The following RAD51B variants were observed in gnomAD, a reference collection of about 807,000 sequenced individuals.
RAD51B encodes the protein DNA repair protein RAD51 homolog 2.
In RAD51B, 38 loss-of-function variants were observed where a neutral mutation model predicts 42.2. That is an observed-to-expected ratio of 0.90 (90% confidence interval 0.70 to 1.18). The LOEUF (loss-of-function observed/expected upper bound fraction) is 1.18, where lower values mean the gene tolerates loss of function less well. RAD51B is among the 50% of genes most tolerant of loss of function. The probability of loss-of-function intolerance (pLI) is 0.00; values close to 1 mark genes in which losing one functional copy is unlikely to be tolerated. For missense variants in RAD51B, 373 were observed against 400.7 expected, an observed-to-expected ratio of 0.93 and a Z score of 0.59; for synonymous variants, 154 against 145.2, an observed-to-expected ratio of 1.06 and a Z score of -0.43.
chr14:68,421,723 A>G, intron 9 of RAD51B: 4 of 1,590,260 alleles, frequency 2.5e-6, no homozygotes, highest in South Asian at 2.2e-5. Flanking sequence ...ACAGTCAGCA[A>G]TGGTGATCTT....
chr14:68,623,357 C>T (rs1302524398), intron 10 of RAD51B, among the ~76,000 whole-genome samples: 3 of 152,200 alleles, frequency 2.0e-5, no homozygotes, highest in Non-Finnish European at 4.4e-5. Context: ...TAATGAACAG[C>T]AACAAGCATC....
chr14:68,502,719 A>G (rs749740950), intron 10 of RAD51B, among the ~76,000 whole-genome samples: 17 of 152,180 alleles, frequency 1.1e-4, no homozygotes, highest in Non-Finnish European at 2.1e-4. Context: ...GGCCCCTTCT[A>G]AGCATCGGAA....
At chr14:68,266,078 ATTGGTGT>A (rs2080986030) in intron 7 of RAD51B, among the ~76,000 whole-genome samples, 1 of 152,156 alleles carries the variant, frequency 6.6e-6, no homozygotes, top group Non-Finnish European at 1.5e-5. Flanking sequence ...CTGGCAAGTG[ATTGGTGT>A]TTGCACTGTT....
chr14:67,925,183 T>C lies in RAD51B; in HGVS notation c.756+37979T>C, dbSNP rs370053374. Among the ~76,000 whole-genome samples the C allele has an allele frequency of 5.9e-5, 9 of 152,298 alleles. No individual in the cohort carries two copies. In the South Asian group the frequency reaches 1.9e-3, roughly 32 times the overall value. ...GCTATGCCTCTGTGGCTTTGCAGGG[T>C]ACAGCCCCCCTCCTAGCTGCCTTCA... On this transcript the variant is annotated intron_variant, in intron 7 of 10. Transcript: ENST00000471583.
At chr14:68,599,712 G>T (rs1034674793), downstream of RAD51B, among the ~76,000 whole-genome samples, 3 of 152,206 alleles carry the variant, frequency 2.0e-5, no homozygotes, top group African/African-American at 7.2e-5. Flanking sequence ...TGACATGCTG[G>T]TGTTGGCCTT....
chr14:68,338,339 C>G (rs902444790), intron 8 of RAD51B, among the ~76,000 whole-genome samples: 19 of 152,216 alleles, frequency 1.2e-4, no homozygotes, highest in Non-Finnish European at 1.3e-4. Flanking sequence ...CTCTGCTTCT[C>G]TCTGTACATC....
intron 10 of RAD51B, among the ~76,000 whole-genome samples, chr14:68,537,119 A>G (rs1423979696): frequency 6.7e-6 from 1 of 148,418 alleles, no homozygotes; most frequent in Non-Finnish European, 1.5e-5. Flanking sequence ...AAGGCACCCA[A>G]AATTTTTAGA....
At chr14:67,821,453 TTTTG>T (rs138027233) in intron 1 of RAD51B, among the ~76,000 whole-genome samples, 14,760 of 151,946 alleles carry the variant, frequency 0.097, 960 homozygotes, top group Middle Eastern at 0.24. Flanking sequence ...ATTTATAGTT[TTTTG>T]TTTGTTTGTT....
intron 7 of RAD51B, among the ~76,000 whole-genome samples, chr14:67,983,186 A>G (rs1207603679): frequency 6.6e-6 from 1 of 152,218 alleles, no homozygotes; most frequent in East Asian, 1.9e-4. Context: ...GAACCAAGTG[A>G]TATAGTGGTT....
chr14:68,555,309 A>T (rs1888782431), intron 10 of RAD51B, among the ~76,000 whole-genome samples: 1 of 152,242 alleles, frequency 6.6e-6, no homozygotes, highest in African/African-American at 2.4e-5. Context: ...TAACACATTA[A>T]GCCTTAACAT....
At chr14:67,983,968 C>T (rs2075139984) in intron 7 of RAD51B, among the ~76,000 whole-genome samples, 1 of 150,370 alleles carries the variant, frequency 6.7e-6, no homozygotes. Flanking sequence ...TTGACAGTGT[C>T]TCCCTCTGTT....
chr14:68,068,616 T>C (rs2076692264), intron 7 of RAD51B, among the ~76,000 whole-genome samples: 2 of 152,330 alleles, frequency 1.3e-5, no homozygotes, highest in South Asian at 4.1e-4. Flanking sequence ...TTTTCAATTC[T>C]CTTGGGTGTA....
chr14:67,877,807 C>T (rs893477127), intron 5 of RAD51B, among the ~76,000 whole-genome samples: 5 of 152,262 alleles, frequency 3.3e-5, no homozygotes, highest in East Asian at 1.9e-4. Flanking sequence ...GGACTGTAGA[C>T]GTGTGCTACC....
chr14:68,441,660 A>G (rs2085295719), intron 9 of RAD51B, among the ~76,000 whole-genome samples: 2 of 152,140 alleles, frequency 1.3e-5, no homozygotes, highest in Non-Finnish European at 2.9e-5. Flanking sequence ...AAAAAAGATA[A>G]TGTTATTCTA....
At chr14:68,506,015 T>TG in intron 10 of RAD51B, among the ~76,000 whole-genome samples, 1 of 152,192 alleles carries the variant, frequency 6.6e-6, no homozygotes, top group Non-Finnish European at 1.5e-5. Context: ...AGTGGCCACT[T>TG]GGGGTCCATT....
At chr14:68,293,223 T>C in intron 8 of RAD51B, among the ~76,000 whole-genome samples, 1 of 152,196 alleles carries the variant, frequency 6.6e-6, no homozygotes, top group East Asian at 1.9e-4. Flanking sequence ...AATAGTTTTT[T>C]TTGTTTGTTT....
chr14:67,930,210 TG>T (rs1296523587), intron 7 of RAD51B, among the ~76,000 whole-genome samples: 12 of 152,214 alleles, frequency 7.9e-5, no homozygotes. Flanking sequence ...ATTGAGGTTT[TG>T]TTCCTTCATA....
intron 7 of RAD51B, among the ~76,000 whole-genome samples, chr14:68,272,739 G>C (rs1184155589): frequency 5.0e-5 from 6 of 120,926 alleles, no homozygotes; most frequent in African/African-American, 1.9e-4. Flanking sequence ...AGGCTATAGT[G>C]CAGTGGCGTG....
chr14:68,036,977 T>C (rs2076133356), intron 7 of RAD51B, among the ~76,000 whole-genome samples: 1 of 151,738 alleles, frequency 6.6e-6, no homozygotes, highest in Non-Finnish European at 1.5e-5. Context: ...TTTTCTTTAG[T>C]ATCCATAATT....
Sources: allele counts gnomAD v4.1 joint callset (sites outside exome capture counted in the v4.1 genomes callset), GRCh38; gene constraint gnomAD v4.1.1; transcripts MANE v1.5; gene names NCBI Gene and HGNC (gene_info 2026-07-23, HGNC 2026-07-21).